Variants in NSF observed in about 807,000 individuals in gnomAD.
NSF encodes vesicle-fusing ATPase.
In NSF, 14 loss-of-function variants were observed where a neutral mutation model predicts 50.3. That is an observed-to-expected ratio of 0.28 (90% CI 0.18 to 0.44). NSF has a LOEUF of 0.44. Among genes scored for constraint, NSF ranks in the 20% least tolerant of loss-of-function variants. The pLI, the probability that NSF is intolerant of heterozygous loss-of-function variation, is 1.00. For missense variants in NSF, 218 were observed against 504.3 expected (o/e 0.43, Z 5.44); for synonymous variants, 109 against 175.7 (o/e 0.62, Z 3.00).
At chr17:46,725,451 T>C (rs1464487932) in intron 15 of NSF, among the ~76,000 whole-genome samples, 2 of 151,976 alleles carry the variant, frequency 1.3e-5, no homozygotes, top group Non-Finnish European at 2.9e-5. Flanking sequence ...TCTGGAGAAA[T>C]TGTCAGTATT....
intron 20 of NSF, 124 bp from the exon 21 acceptor site, chr17:46,755,678 T>C: frequency 9.3e-7 from 1 of 1,076,240 alleles, no homozygotes; most frequent in Non-Finnish European, 1.3e-6. Context: ...TAATAGCAAA[T>C]GCATAGTGGG....
chr17:46,743,940 A>G (rs1301759995), intron 17 of NSF, among the ~76,000 whole-genome samples: 2 of 152,148 alleles, frequency 1.3e-5, no homozygotes, highest in Non-Finnish European at 2.9e-5. Context: ...GCTCTGTCTC[A>G]GCTGCTTCTA....
chr17:46,754,242 A>T (rs576321658), intron 19 of NSF, among the ~76,000 whole-genome samples: 1 of 149,102 alleles, frequency 6.7e-6, no homozygotes, highest in East Asian at 2.0e-4. Flanking sequence ...AGCTATTCAC[A>T]CTTTTTCTTA....
rs1182300127 is a variant in NSF at position 46,610,058 on chromosome 17, TCTTTCTTTC to T, written c.13-14173_13-14165del. The stretch of plus-strand genomic sequence containing the variant: ...CTCTCTCTCTCTTTCTTTCTTTCTT[TCTTTCTTTC>T]CTTTCTTTCCTTCTTTCTTTCTTTT... On this transcript the variant is annotated intron_variant, in intron 1 of 20. Transcript: ENST00000398238. 2.4e-3 allele frequency among the ~76,000 whole-genome samples: 336 copies of T among 139,566 alleles called. 20 individuals are homozygous for T. The highest frequency in any genetic ancestry group is 6.7e-3 in the African/African-American group (253 of 37,942). The allele number at this position is 139,566 out of a possible 152,430, so 91.6% of individuals were successfully genotyped here.
intron 15 of NSF, among the ~76,000 whole-genome samples, chr17:46,722,747 T>A (rs761990250): frequency 6.6e-6 from 1 of 152,098 alleles, no homozygotes; most frequent in Non-Finnish European, 1.5e-5. Flanking sequence ...AATGTACGTG[T>A]GAGAAGAAAA....
chr17:46,723,378 GA>G (rs2058853134), intron 15 of NSF, among the ~76,000 whole-genome samples: 1 of 152,166 alleles, frequency 6.6e-6, no homozygotes, highest in Non-Finnish European at 1.5e-5. Flanking sequence ...GAGTTTATAA[GA>G]TACCACATTG....
At chr17:46,697,754 G>GTGC (rs1491159670) in intron 12 of NSF, among the ~76,000 whole-genome samples, 2 of 149,968 alleles carry the variant, frequency 1.3e-5, no homozygotes, top group Non-Finnish European at 3.0e-5. Flanking sequence ...GAGTGCAGTG[G>GTGC]TGCAATCTCG....
chr17:46,739,102 G>T (rs1201260302), intron 17 of NSF, among the ~76,000 whole-genome samples: 4 of 151,918 alleles, frequency 2.6e-5, no homozygotes, highest in Non-Finnish European at 1.5e-5. Flanking sequence ...AGGCACGGTG[G>T]CTCACACCCG....
intron 17 of NSF, among the ~76,000 whole-genome samples, chr17:46,737,467 C>G (rs1042043309): frequency 6.6e-6 from 1 of 152,174 alleles, no homozygotes; most frequent in East Asian, 1.9e-4. Flanking sequence ...GAAGAGGGTG[C>G]CTTTTAGCTC....
At chr17:46,714,363 A>T (rs1243015074) in intron 15 of NSF, among the ~76,000 whole-genome samples, 1 of 152,214 alleles carries the variant, frequency 6.6e-6, no homozygotes, top group Non-Finnish European at 1.5e-5. Context: ...GGGTCAATTA[A>T]GTTGAGGAAG....
intron 15 of NSF, among the ~76,000 whole-genome samples, chr17:46,716,627 T>C (rs911885012): frequency 6.6e-6 from 1 of 152,182 alleles, no homozygotes; most frequent in Non-Finnish European, 1.5e-5. Flanking sequence ...AAATAATTTA[T>C]AGAGTTTTAT....
chr17:46,679,616 C>T (rs1266363879), intron 9 of NSF, among the ~76,000 whole-genome samples: 121 of 134,058 alleles, frequency 9.0e-4, no homozygotes, highest in African/African-American at 3.3e-3. Flanking sequence ...TGCTTGAACC[C>T]GGGAGGCGGA....
chr17:46,736,438 G>A (rs2059005581), intron 17 of NSF, among the ~76,000 whole-genome samples: 1 of 152,196 alleles, frequency 6.6e-6, no homozygotes, highest in Non-Finnish European at 1.5e-5. Context: ...GCAGATCTTT[G>A]GAGATTTCCT....
chr17:46,728,704 C>A, intron 16 of NSF, 151 bp from the exon 17 acceptor site: 1 of 445,616 alleles, frequency 2.2e-6, no homozygotes, highest in South Asian at 6.0e-5. Flanking sequence ...AGACTGTTTA[C>A]TCTTTAAATT....
intron 19 of NSF, 97 bp downstream of exon 19, chr17:46,751,713 T>A: frequency 1.5e-6 from 1 of 653,132 alleles, no homozygotes; most frequent in Non-Finnish European, 2.5e-6. Flanking sequence ...TTAATTAATT[T>A]AAGTTTTGAT....
At chr17:46,725,754 A>G (rs1053127250) in intron 15 of NSF, among the ~76,000 whole-genome samples, 3 of 152,112 alleles carry the variant, frequency 2.0e-5, no homozygotes, top group African/African-American at 7.2e-5. Flanking sequence ...TACCAACCAG[A>G]GAGAGTGGGC....
intron 17 of NSF, among the ~76,000 whole-genome samples, chr17:46,739,812 C>T (rs2059051501): frequency 6.6e-6 from 1 of 151,878 alleles, no homozygotes; most frequent in Non-Finnish European, 1.5e-5. Flanking sequence ...AATTCTCATG[C>T]CTCAGCCTCC....
intron 15 of NSF, among the ~76,000 whole-genome samples, chr17:46,722,522 C>T (rs1243565770): frequency 4.6e-5 from 7 of 152,286 alleles, no homozygotes; most frequent in South Asian, 2.1e-4. Flanking sequence ...TGCAGCTTCC[C>T]GGCTTAGTAT....
At chr17:46,755,780 T>C in intron 20 of NSF, 22 bp from the exon 21 acceptor site, 1 of 1,605,946 alleles carries the variant, frequency 6.2e-7, no homozygotes, top group Non-Finnish European at 8.5e-7. Context: ...TGTTTTTTTG[T>C]GTTTTGGTAT....
Sources: gnomAD v4.1 joint callset for allele counts (sites outside exome capture counted in the v4.1 genomes callset) on GRCh38, gnomAD v4.1.1 for gene constraint, MANE v1.5 for transcripts, NCBI Gene and HGNC (gene_info 2026-07-23, HGNC 2026-07-21) for gene names.